Variants in NXNL2 observed in about 807,000 individuals in gnomAD.
NXNL2 encodes nucleoredoxin like 2, also known as nucleoredoxin-like protein 2.
Under a neutral mutation model 11.1 loss-of-function variants are expected in NXNL2, and 7 were observed. The observed-to-expected ratio is 0.63, with a 90% CI of 0.36 to 1.18. The LOEUF is 1.18. NXNL2 is among the 50% of genes most tolerant of loss of function. The pLI, the probability that NXNL2 is intolerant of heterozygous loss-of-function variation, is 0.02. For synonymous variants in NXNL2, 109 were observed against 101.8 expected, an observed-to-expected ratio of 1.07 and a Z score of -0.42; for missense variants, 233 against 217.7, an observed-to-expected ratio of 1.07 and a Z score of -0.44.
chr9:88,542,280 AT>A (rs752652741), intron 1 of NXNL2, among the ~76,000 whole-genome samples: 24 of 151,580 alleles, frequency 1.6e-4, no homozygotes, highest in Non-Finnish European at 2.9e-4. Context: ...GAACAAAAAA[AT>A]ATATATTTTT....
intron 1 of NXNL2, among the ~76,000 whole-genome samples, chr9:88,581,138 C>T (rs769714197): frequency 6.6e-6 from 1 of 152,190 alleles, no homozygotes; most frequent in Non-Finnish European, 1.5e-5. Context: ...ATCTGTATCT[C>T]CATACCGGCC....
Position 88,556,922 on chromosome 9 carries a change from C to CA in NXNL2, c.303-14156dup, listed in dbSNP as rs924605438. On this transcript the variant is annotated intron_variant, in intron 1 of 2. Coordinates refer to the NXNL2 transcript ENST00000375855. Reference sequence around the variant, plus strand: ...GAAACCCCGTCTCTACTAAAAAATGCAAAAAAAAATTAGCTGGTTGTGGTT... The same window carrying CA: ...GAAACCCCGTCTCTACTAAAAAATGCAAAAAAAAAATTAGCTGGTTGTGGTT... Among the ~76,000 whole-genome samples, 36 of 149,110 alleles carry CA rather than the reference C, an allele frequency of 2.4e-4. No homozygotes were observed. In the South Asian group the frequency reaches 3.8e-3, roughly 16 times the overall value.
At chr9:88,564,028 T>C (rs1317845774) in intron 1 of NXNL2, among the ~76,000 whole-genome samples, 1 of 151,950 alleles carries the variant, frequency 6.6e-6, no homozygotes. Context: ...CTGGCCAACA[T>C]GGTGAAACCC....
chr9:88,566,976 C>T (rs189821838), intron 1 of NXNL2, among the ~76,000 whole-genome samples: 54 of 119,608 alleles, frequency 4.5e-4, no homozygotes, highest in Admixed American at 1.5e-3. Context: ...TATCTATCAT[C>T]TATCTATCTA....
chr9:88,545,916 G>A (rs889793089), downstream of NXNL2, among the ~76,000 whole-genome samples: 1 of 151,948 alleles, frequency 6.6e-6, no homozygotes, highest in Non-Finnish European at 1.5e-5. Flanking sequence ...ACAGGCGCCC[G>A]CCACCACGCC....
intron 1 of NXNL2, among the ~76,000 whole-genome samples, chr9:88,564,695 C>T (rs1169468667): frequency 2.0e-5 from 3 of 152,182 alleles, no homozygotes; most frequent in East Asian, 1.9e-4. Flanking sequence ...GGATTACAGG[C>T]GTGAGCCACT....
At chr9:88,578,592 A>G (rs1830375249), downstream of NXNL2, among the ~76,000 whole-genome samples, 1 of 152,220 alleles carries the variant, frequency 6.6e-6, no homozygotes, top group Non-Finnish European at 1.5e-5. Context: ...GTTGGATTTC[A>G]GGTTGGGAAG....
At chr9:88,562,741 G>A (rs1830101610) in intron 1 of NXNL2, among the ~76,000 whole-genome samples, 1 of 147,734 alleles carries the variant, frequency 6.8e-6, no homozygotes, top group African/African-American at 2.5e-5. Context: ...GACAGGGCAA[G>A]ACTCTGTCTC....
At chr9:88,582,485 GA>G (rs1257586064) in intron 1 of NXNL2, among the ~76,000 whole-genome samples, 3 of 151,620 alleles carry the variant, frequency 2.0e-5, no homozygotes, top group Non-Finnish European at 4.4e-5. Context: ...ATAAAAAAAT[GA>G]AAAAAAAGAA....
intron 1 of NXNL2, among the ~76,000 whole-genome samples, chr9:88,583,523 CCACCCTACACAGA>C (rs1269566991): frequency 3.3e-5 from 5 of 152,136 alleles, no homozygotes; most frequent in Admixed American, 1.3e-4. Flanking sequence ...ACGGGTGACT[CCACCCTACACAGA>C]CACCCCCGCT....
At chr9:88,567,331 G>C (rs7870553) in intron 1 of NXNL2, among the ~76,000 whole-genome samples, 2 of 151,908 alleles carry the variant, frequency 1.3e-5, no homozygotes, top group Non-Finnish European at 2.9e-5. Flanking sequence ...TACAGACAGG[G>C]TTTCACCATG....
At chr9:88,541,419 C>T (rs756316259) in intron 1 of NXNL2, among the ~76,000 whole-genome samples, 5 of 151,898 alleles carry the variant, frequency 3.3e-5, no homozygotes, top group Non-Finnish European at 7.4e-5. Context: ...TGCAACCACA[C>T]CTGGTTAATT....
At chr9:88,566,846 T>C (rs1830176831) in intron 1 of NXNL2, among the ~76,000 whole-genome samples, 2 of 152,228 alleles carry the variant, frequency 1.3e-5, no homozygotes, top group South Asian at 4.1e-4. Context: ...ATTTTATTTC[T>C]TTTGATGCTA....
At chr9:88,583,533 C>T (rs750536449) in intron 1 of NXNL2, among the ~76,000 whole-genome samples, 7 of 152,200 alleles carry the variant, frequency 4.6e-5, no homozygotes, top group Non-Finnish European at 1.0e-4. Flanking sequence ...CCACCCTACA[C>T]AGACACCCCC....
At chr9:88,547,830 A>G (rs1474973765), downstream of NXNL2, among the ~76,000 whole-genome samples, 9 of 151,664 alleles carry the variant, frequency 5.9e-5, no homozygotes, top group South Asian at 2.1e-4. Context: ...CAGCCTGGCC[A>G]ATGTGGTGAA....
Position 88,544,637 on chromosome 9 carries a change from G to A in NXNL2, c.*90G>A. 6.9e-7 allele frequency: 1 copy of A among 1,441,176 alleles called. No homozygotes were observed. 89.3% of individuals were successfully genotyped at this position (1,441,176 alleles called of 1,614,324 possible). A position where few individuals can be genotyped will look rare whatever the true frequency, so the allele number is the denominator to read the frequency against. Reference sequence around the variant, plus strand: ...AGGAGCATGTTGGGTTCCTTCCTCTGTTGGTGTGATTTCATTGTATTTCAG... The same window carrying A: ...AGGAGCATGTTGGGTTCCTTCCTCTATTGGTGTGATTTCATTGTATTTCAG... On this transcript the variant is annotated 3_prime_UTR_variant, in exon 2 of 2. Coordinates refer to ENST00000375854, the MANE Select transcript of NXNL2 (RefSeq NM_001161625.2).
At chr9:88,572,820 C>T (rs1043333500) in intron 2 of NXNL2, among the ~76,000 whole-genome samples, 4 of 152,196 alleles carry the variant, frequency 2.6e-5, no homozygotes, top group African/African-American at 7.2e-5. Context: ...GGTGAAGAGG[C>T]GCCCAAGACA....
chr9:88,564,130 G>C (rs1830128503), intron 1 of NXNL2, among the ~76,000 whole-genome samples: 1 of 151,168 alleles, frequency 6.6e-6, no homozygotes, highest in African/African-American at 2.4e-5. Context: ...AGAATCGCTT[G>C]AACCTGGGAG....
chr9:88,578,334 C>T (rs944326115), downstream of NXNL2, among the ~76,000 whole-genome samples: 20 of 152,304 alleles, frequency 1.3e-4, no homozygotes, highest in Middle Eastern at 3.4e-3. Flanking sequence ...CAGTCCCTGC[C>T]GGTCCTGGAG....
Sources: allele counts gnomAD v4.1 joint callset (sites outside exome capture counted in the v4.1 genomes callset), GRCh38; gene constraint gnomAD v4.1.1; transcripts MANE v1.5; gene names NCBI Gene and HGNC (gene_info 2026-07-23, HGNC 2026-07-21).